The following TNFRSF18 variants were observed in gnomAD, a reference collection of about 807,000 sequenced individuals.
TNFRSF18 encodes the protein tumor necrosis factor receptor superfamily member 18.
Under a neutral mutation model 30.2 loss-of-function variants are expected in TNFRSF18, and 36 were observed. The observed-to-expected ratio is 1.19, with a 90% CI of 0.91 to 1.58. TNFRSF18 has a LOEUF of 1.58. Ranked by LOEUF, TNFRSF18 falls within the 40% of genes most tolerant of loss-of-function variation. The probability of loss-of-function intolerance (pLI) is 0.00; values close to 1 mark genes in which losing one functional copy is unlikely to be tolerated. For missense variants in TNFRSF18, 369 were observed against 345.4 expected (o/e 1.07, Z -0.54); for synonymous variants, 173 against 158.3 (o/e 1.09, Z -0.70).
chr1:1,206,084 G>A (rs1362942688), intron 1 of TNFRSF18, among the ~76,000 whole-genome samples: 3 of 152,162 alleles, frequency 2.0e-5, no homozygotes, highest in Admixed American at 1.3e-4. Context: ...AAGGGCTCAC[G>A]ACCCGCCCAG....
chr1:1,205,739 A>G lies in TNFRSF18; in HGVS notation c.188-247T>C, dbSNP rs1190379010. ...CTGCCCCTGCCCAGGTGCTAACTCC[A>G]TATGCAACCAGGAGCTGCCCCTGCA... On this transcript the variant is annotated intron_variant, in intron 1 of 4. Transcript: ENST00000379268. 9.6e-6 allele frequency: 5 copies of G among 518,156 alleles called. 1 individual carries two copies. The highest frequency in any genetic ancestry group is 1.0e-3 in the Middle Eastern group (2 of 1,924). The allele number at this position is 518,156 out of a possible 1,614,324, so 32.1% of individuals were successfully genotyped here.
At position 1,204,392 on chromosome 1, in the gene TNFRSF18, G is replaced by T. The variant is rs1347824487; in HGVS notation, c.398+7C>A. The T allele has an allele frequency of 3.7e-6, 6 of 1,612,426 alleles. No individual in the cohort carries two copies. In the African/African-American group the frequency reaches 6.7e-5, roughly 18 times the overall value. On this transcript the variant is annotated splice_region_variant and intron_variant, in intron 3 of 4. Transcript: ENST00000379268. ...CCGGCCACCGGCAGGGCCCACCCAGGACTCACTCTGTCCAAGGTTTGCAGT... is the reference window on the plus strand; with the variant it reads ...CCGGCCACCGGCAGGGCCCACCCAGTACTCACTCTGTCCAAGGTTTGCAGT...
chr1:1,205,421 T>C lies in TNFRSF18; in HGVS notation c.259A>G (p.Thr87Ala). 6.2e-7 allele frequency: 1 copy of C among 1,612,598 alleles called. No individual in the cohort carries two copies. Among genetic ancestry groups the C allele is most frequent in the Non-Finnish European group, 8.5e-7 (1 of 1,179,828 alleles). The change falls in exon 2 of 5, where the codon ACG becomes GCG. Residue 87 changes from threonine (T) to alanine (A), a missense_variant. Physicochemically the swap from Thr to Ala is moderately conservative, Grantham distance 58. Transcript: ENST00000379268. ...PEFHCGDPCC[T>A]TCRHHPCPPG... Reference sequence around the variant, plus strand: ...GGACAAGGGTGGTGCCGGCAGGTCGTGCAGCAAGGGTCTCCGCAGTGGAAT... The same window carrying C: ...GGACAAGGGTGGTGCCGGCAGGTCGCGCAGCAAGGGTCTCCGCAGTGGAAT...
At position 1,205,392 on chromosome 1, in the gene TNFRSF18, T is replaced by A. The variant is rs777367408; in HGVS notation, c.288A>T (p.Pro96=). 1.9e-6 allele frequency: 3 copies of A among 1,612,410 alleles called. No individual in the cohort carries two copies. Among genetic ancestry groups the A allele is most frequent in the South Asian group, 2.2e-5 (2 of 91,038 alleles). ...CTTCRHHPCP[P]GQGVQSQGKF... is the part of the protein sequence containing the mutation. ...TACCCTGGGACTGTACCCCCTGGCC[T>A]GGGGGACAAGGGTGGTGCCGGCAGG... The change falls in exon 2 of 5, where the codon CCA becomes CCT. Residue 96 remains proline (P), a synonymous_variant. Transcript: ENST00000379268.
rs914755784 is a variant in TNFRSF18, at chr1:1,206,318, G to A, written c.187+67C>T. On this transcript the variant is annotated intron_variant, in intron 1 of 4. Transcript: ENST00000379268. ...CCGGTCTGAGCACGGGAAGGGGGGC[G>A]CCCACCCATCCCGGCTTCCGCGGGA... The A allele has an allele frequency of 2.1e-5, 32 of 1,504,154 alleles. No homozygotes were observed. In the African/African-American group the frequency reaches 3.8e-4, roughly 18 times the overall value. 93.2% of individuals were successfully genotyped at this position (1,504,154 alleles called of 1,614,324 possible).
rs972162177 is a variant in TNFRSF18, at chr1:1,206,348, T to A, written c.187+37A>T. On this transcript the variant is annotated intron_variant, in intron 1 of 4. Coordinates refer to ENST00000379268, the MANE Select transcript of TNFRSF18 (RefSeq NM_004195.3). ...CCCATCCCGGCTTCCGCGGGACGCC[T>A]TGGCCGGTCCGCGTTAAGTAAACGC... 4 of 1,540,474 alleles carry A rather than the reference T, an allele frequency of 2.6e-6. No individual in the cohort carries two copies. The African/African-American group carries it at 5.6e-5, about 21-fold the overall frequency.
rs1341375155 is a variant in TNFRSF18 at position 1,206,374 on chromosome 1, G to A, written c.187+11C>T. ...TGGCCGGTCCGCGTTAAGTAAACGC[G>A]GTTTACTTACCCGGGTAATCGCGGC... On this transcript the variant is annotated intron_variant, in intron 1 of 4. Transcript: ENST00000379268. 110 of 1,546,096 alleles carry A rather than the reference G, an allele frequency of 7.1e-5. No individual in the cohort carries two copies. Among genetic ancestry groups the A allele is most frequent in the South Asian group, 2.3e-4 (19 of 83,896 alleles).
In TNFRSF18 at chr1:1,205,484, A is replaced by G. The variant is rs1648775392; in HGVS notation, c.196T>C (p.Cys66Arg). 2 of 1,611,156 alleles carry G rather than the reference A, an allele frequency of 1.2e-6. No individual in the cohort carries two copies. Among genetic ancestry groups the G allele is most frequent in the South Asian group, 2.2e-5 (2 of 91,014 alleles). Reference protein sequence around the residue: ...RCCRDYPGEECCSEWDCMCVQ... With the variant: ...RCCRDYPGEERCSEWDCMCVQ... Reference sequence around the variant, plus strand: ...CACATGCAGTCCCACTCGGAACAGCACTCCTCGCCTGGGCAGGAGACAGGC... The same window carrying G: ...CACATGCAGTCCCACTCGGAACAGCGCTCCTCGCCTGGGCAGGAGACAGGC... The change falls in exon 2 of 5, where the codon TGC becomes CGC. Residue 66 changes from cysteine (C) to arginine (R), a missense_variant. Coordinates refer to ENST00000379268, the MANE Select transcript of TNFRSF18 (RefSeq NM_004195.3).
At chr1:1,204,579 G>A in intron 2 of TNFRSF18, 93 bp from the exon 3 acceptor site, 1 of 962,742 alleles carries the variant, frequency 1.0e-6, no homozygotes, top group Non-Finnish European at 1.6e-6. Context: ...GGGTCCATCT[G>A]GGGTCTGGGT....
intron 1 of TNFRSF18, 32 bp downstream of exon 1, chr1:1,206,353 C>G (rs779192150): frequency 6.5e-7 from 1 of 1,541,422 alleles, no homozygotes; most frequent in Non-Finnish European, 8.7e-7. Flanking sequence ...ACGCCTTGGC[C>G]GGTCCGCGTT....
rs1222287193 is a variant in TNFRSF18 at position 1,203,650 on chromosome 1, TCTCC to T, written c.*190_*193del. On this transcript the variant is annotated 3_prime_UTR_variant, in exon 5 of 5. Coordinates refer to ENST00000379268, the MANE Select transcript of TNFRSF18 (RefSeq NM_004195.3). ...GAAGGGGGCCATGACTGTGTCTCTC[TCTCC>T]CTCCTGCAGGGCCCAGCCGCGGCCG... The T allele has an allele frequency of 3.2e-6, 5 of 1,548,748 alleles. No individual in the cohort carries two copies. Among genetic ancestry groups the T allele is most frequent in the Non-Finnish European group, 4.3e-6 (5 of 1,155,576 alleles).
chr1:1,204,980 G>A (rs910115498), intron 2 of TNFRSF18, among the ~76,000 whole-genome samples: 2 of 152,182 alleles, frequency 1.3e-5, no homozygotes, highest in African/African-American at 2.4e-5. Context: ...GACTTGAGCT[G>A]CTCCTTCCAG....
Position 1,203,950 on chromosome 1 carries a change from T to C in TNFRSF18, c.620A>G (p.Glu207Gly). ...GGCGTCTTCGGTCGACGGCGGCACC[T>C]CCAGCAGCAGCTGGGTCTCTGCAGG... ...MWPRETQLLLEVPPSTEDARS... is the reference protein window; with the variant it reads ...MWPRETQLLLGVPPSTEDARS... Residue 207 changes from glutamate (E) to glycine (G), a missense_variant, in exon 5 of 5, where the codon GAG (glutamate) becomes GGG (glycine). Transcript: ENST00000379268. 6.2e-7 allele frequency: 1 copy of C among 1,606,956 alleles called. No individual in the cohort carries two copies. The highest frequency in any genetic ancestry group is 2.2e-5 in the East Asian group (1 of 44,846).
Position 1,206,540 on chromosome 1 carries a change from C to T in TNFRSF18, c.32G>A (p.Arg11Gln), listed in dbSNP as rs751867423. Residue 11 changes from arginine to glutamine, a missense_variant, in exon 1 of 5, where the codon CGG (arginine) becomes CAG (glutamine). By Grantham distance (43) the Arg-to-Gln change is conservative. Transcript: ENST00000379268. MAQHGAMGAF[R>Q]ALCGLALLCA... is the part of the protein sequence containing the mutation. ...CAGCAGCGCCAGGCCGCACAGGGCC[C>T]GAAACGCGCCCATCGCCCCGTGCTG... 8 of 1,522,866 alleles carry T rather than the reference C, an allele frequency of 5.3e-6. No individual in the cohort carries two copies. The Admixed American group carries it at 8.8e-5, about 17-fold the overall frequency. The allele number at this position is 1,522,866 out of a possible 1,614,324, so 94.3% of individuals were successfully genotyped here. A position where few individuals can be genotyped will look rare whatever the true frequency, so the allele number is the denominator to read the frequency against.
Position 1,206,571 on chromosome 1 carries a change from T to TC in TNFRSF18, c.-1_1insG. The TC allele has an allele frequency of 6.7e-7, 1 of 1,492,580 alleles. No individual in the cohort carries two copies. The highest frequency in any genetic ancestry group is 8.9e-7 in the Non-Finnish European group (1 of 1,126,858). The allele number at this position is 1,492,580 out of a possible 1,614,324, so 92.5% of individuals were successfully genotyped here. A position where few individuals can be genotyped will look rare whatever the true frequency, so the allele number is the denominator to read the frequency against. On this transcript the variant is annotated 5_prime_UTR_variant, in exon 1 of 5. Coordinates refer to ENST00000379268, the MANE Select transcript of TNFRSF18 (RefSeq NM_004195.3). ...GCGCCCATCGCCCCGTGCTGTGCCA[T>TC]GCTCGGGTTTCAAGAGCCCACAGCC...
In TNFRSF18 at chr1:1,204,033, C is replaced by T. The variant is rs925403299; in HGVS notation, c.601+1G>A. 6.2e-7 allele frequency: 1 copy of T among 1,607,122 alleles called. No homozygotes were observed. The highest frequency in any genetic ancestry group is 1.7e-5 in the Admixed American group (1 of 59,170). On this transcript the variant is annotated splice_donor_variant, in intron 4 of 4. Coordinates refer to ENST00000379268, the MANE Select transcript of TNFRSF18 (RefSeq NM_004195.3). LOFTEE classifies it high-confidence loss of function. ...CCTCCCCGCACCAGGCTGTGACAGA[C>T]CTCGGGGCCACATGCACTGACTCCT...
Position 1,205,429 on chromosome 1 carries a change from G to T in TNFRSF18, c.251C>A (p.Pro84His). ...CVQPEFHCGD[P>H]CCTTCRHHPC... The stretch of plus-strand genomic sequence containing the variant: ...GTGGTGCCGGCAGGTCGTGCAGCAA[G>T]GGTCTCCGCAGTGGAATTCAGGCTG... Residue 84 changes from proline (P) to histidine (H), a missense_variant, in exon 2 of 5, where the codon CCT becomes CAT. Physicochemically the swap from Pro to His is moderately conservative, Grantham distance 77 (BLOSUM62 -2). Coordinates refer to ENST00000379268, the MANE Select transcript of TNFRSF18 (RefSeq NM_004195.3). 1 of 1,612,618 alleles carries T rather than the reference G, an allele frequency of 6.2e-7. No homozygotes were observed. The highest frequency in any genetic ancestry group is 1.3e-5 in the African/African-American group (1 of 75,026).
At position 1,203,973 on chromosome 1, in the gene TNFRSF18, A is replaced by C; in HGVS notation, c.602-5T>G. On this transcript the variant is annotated splice_region_variant and splice_polypyrimidine_tract_variant and intron_variant, in intron 4 of 4. Coordinates refer to ENST00000379268, the MANE Select transcript of TNFRSF18 (RefSeq NM_004195.3). ...CCTCCAGCAGCAGCTGGGTCTCTGC[A>C]GGGGGGCCACGGTCAGCAGGCAGCC... The C allele has an allele frequency of 1.9e-6, 3 of 1,606,836 alleles. No individual in the cohort carries two copies. Among genetic ancestry groups the C allele is most frequent in the Non-Finnish European group, 2.5e-6 (3 of 1,178,024 alleles).
rs1648646130 is a variant in TNFRSF18 at position 1,203,692 on chromosome 1, G to A, written c.*152C>T. 1 of 1,565,322 alleles carries A rather than the reference G, an allele frequency of 6.4e-7. No homozygotes were observed. The highest frequency in any genetic ancestry group is 8.6e-7 in the Non-Finnish European group (1 of 1,161,806). ...CCAGCCGCGGCCGCCGAACTGCATG[G>A]TCCAGGGCGCTGGTCACTGCCACCT... On this transcript the variant is annotated 3_prime_UTR_variant, in exon 5 of 5. Transcript: ENST00000379268.
Sources: gnomAD v4.1 joint callset for allele counts (sites outside exome capture counted in the v4.1 genomes callset) on GRCh38, gnomAD v4.1.1 for gene constraint, MANE v1.5 for transcripts, NCBI Gene and HGNC (gene_info 2026-07-23, HGNC 2026-07-21) for gene names.